The following IAH1 variants were observed in gnomAD, a reference collection of about 807,000 sequenced individuals.
The protein encoded by IAH1 is isoamyl acetate-hydrolyzing esterase 1 homolog.
Under a neutral mutation model 26.7 loss-of-function variants are expected in IAH1, and 24 were observed. That is an observed-to-expected ratio of 0.90 (90% confidence interval 0.65 to 1.26). The LOEUF (loss-of-function observed/expected upper bound fraction) is 1.26. IAH1 is among the 50% of genes most tolerant of loss of function. IAH1 has a pLI of 0.00. For synonymous variants in IAH1, 140 were observed against 118.5 expected, an observed-to-expected ratio of 1.18 and a Z score of -1.18; for missense variants, 300 against 299.9, an observed-to-expected ratio of 1.00 and a Z score of 0.00.
intron 2 of IAH1, among the ~76,000 whole-genome samples, chr2:9,476,554 G>C (rs1430715472): frequency 6.6e-6 from 1 of 152,236 alleles, no homozygotes; most frequent in African/African-American, 2.4e-5. Flanking sequence ...TTATTCACTT[G>C]GGTGCAAGTG....
chr2:9,475,636 G>A (rs1682443772), intron 1 of IAH1: 1 of 308,716 alleles, frequency 3.2e-6, no homozygotes, highest in Admixed American at 4.7e-5. Context: ...GAGTAGCTGG[G>A]ATTATAGACG....
Position 9,481,353 on chromosome 2 carries a change from C to T in IAH1, c.351C>T (p.Tyr117=), listed in dbSNP as rs370681332. 3 of 1,614,078 alleles carry T rather than the reference C, an allele frequency of 1.9e-6. No individual in the cohort carries two copies. The highest frequency in any genetic ancestry group is 1.6e-4 in the Middle Eastern group (1 of 6,084). The change falls in exon 4 of 6, where the codon TAC becomes TAT. Residue 117 remains tyrosine (Y), a synonymous_variant. Transcript: ENST00000497473. The part of the protein sequence containing the change: ...YAANLKSMVQ[Y]LKSVDIPENR... Reference sequence around the variant, plus strand: ...CGAACCTAAAGAGCATGGTGCAGTACCTGAAGTCCGTGGACATCCCTGAGA... The same window carrying T: ...CGAACCTAAAGAGCATGGTGCAGTATCTGAAGTCCGTGGACATCCCTGAGA...
At chr2:9,487,813 TGTGTGTGTGTGTGTGTGTGTGCGCGC>T (rs1335767610) in intron 5 of IAH1, among the ~76,000 whole-genome samples, 44 of 103,310 alleles carry the variant, frequency 4.3e-4, no homozygotes, top group Non-Finnish European at 7.1e-4. Context: ...TGTGTGTGTG[TGTGTGTGTGTGTGTGTGTGTGCGCGC>T]GCGCGCGCGC....
At chr2:9,493,498 G>A (rs1662324264), downstream of IAH1, among the ~76,000 whole-genome samples, 1 of 152,070 alleles carries the variant, frequency 6.6e-6, no homozygotes. Flanking sequence ...GATATTTTTG[G>A]GTAAAGAAGG....
the IAH1 span, among the ~76,000 whole-genome samples, chr2:9,510,459 T>A: frequency 6.7e-6 from 1 of 149,812 alleles, no homozygotes; most frequent in Non-Finnish European, 1.5e-5. Flanking sequence ...AGGTCAGGAG[T>A]TCGAGACCAG....
At chr2:9,478,759 C>G (rs1044912685) in intron 3 of IAH1, among the ~76,000 whole-genome samples, 42 of 152,082 alleles carry the variant, frequency 2.8e-4, no homozygotes, top group African/African-American at 9.9e-4. Context: ...CAGCAGCCAC[C>G]CTGACCTCAG....
the IAH1 span, chr2:9,502,243 C>G: frequency 6.2e-7 from 1 of 1,614,064 alleles, no homozygotes; most frequent in Non-Finnish European, 8.5e-7. Context: ...CAGTCTCAAA[C>G]TGACAGTTTT....
chr2:9,492,081 G>T (rs1007342134), downstream of IAH1, among the ~76,000 whole-genome samples: 1 of 152,184 alleles, frequency 6.6e-6, no homozygotes, highest in African/African-American at 2.4e-5. Context: ...CCCCTAGGCA[G>T]GAGAAGCCAG....
At chr2:9,502,086 C>A in the IAH1 span, 1 of 1,190,926 alleles carries the variant, frequency 8.4e-7, no homozygotes, top group South Asian at 1.4e-5. Context: ...TAAGGTGTCT[C>A]TCATCTGAAC....
At chr2:9,498,774 T>A (rs1406005577), downstream of IAH1, among the ~76,000 whole-genome samples, 2 of 152,240 alleles carry the variant, frequency 1.3e-5, no homozygotes, top group Non-Finnish European at 2.9e-5. Context: ...TGTGGATCAT[T>A]ATTGTATTTT....
At chr2:9,494,849 G>A (rs371963579) in exon 6 of IAH1, 12 of 1,534,374 alleles carry the variant, frequency 7.8e-6, no homozygotes, top group African/African-American at 5.6e-5. Context: ...CCCTGACCAT[G>A]CTCCCAAAGA....
chr2:9,506,155 C>T, the IAH1 span, among the ~76,000 whole-genome samples: 2 of 152,024 alleles, frequency 1.3e-5, no homozygotes, highest in East Asian at 1.9e-4. Flanking sequence ...TCGGGGTCTC[C>T]AAAGTGCTCT....
chr2:9,505,036 G>A, the IAH1 span: 39 of 1,021,032 alleles, frequency 3.8e-5, no homozygotes, highest in African/African-American at 4.3e-4. Flanking sequence ...AAGGGCAAAA[G>A]AGGTAGATGT....
At chr2:9,483,941 C>T (rs905570112) in intron 4 of IAH1, among the ~76,000 whole-genome samples, 6 of 152,198 alleles carry the variant, frequency 3.9e-5, no homozygotes, top group East Asian at 1.9e-4. Flanking sequence ...GGCATCAAAA[C>T]GAAGGTCTCT....
In IAH1 at chr2:9,478,233, T is replaced by G. The variant is rs544978737; in HGVS notation, c.146T>G (p.Val49Gly). 14 of 1,606,658 alleles carry G rather than the reference T, an allele frequency of 8.7e-6. No homozygotes were observed. The South Asian group carries it at 1.6e-4, about 18-fold the overall frequency. ...LADRLVRKCD[V>G]LNRGFSGYNT... ...ATTTTTCGTTTCAGAAAATGTGATG[T>G]TCTGAATCGTGGATTTTCAGGTTAC... Residue 49 changes from valine to glycine, a missense_variant, in exon 3 of 6, where the codon GTT becomes GGT. Val to Gly is a moderately radical substitution (Grantham distance 109). Transcript: ENST00000497473.
At chr2:9,504,007 T>C in the IAH1 span, among the ~76,000 whole-genome samples, 118 of 151,380 alleles carry the variant, frequency 7.8e-4, no homozygotes, top group African/African-American at 2.8e-3. Context: ...ACAAAAAAAA[T>C]TAGCCAGGTG....
At chr2:9,511,971 A>AAAAT in the IAH1 span, among the ~76,000 whole-genome samples, 1 of 150,072 alleles carries the variant, frequency 6.7e-6, no homozygotes, top group Admixed American at 6.7e-5. Context: ...AGTCTGTCTT[A>AAAAT]AAATAAATAA....
intron 1 of IAH1, chr2:9,475,051 G>A (rs562205815): frequency 8.5e-7 from 1 of 1,170,570 alleles, no homozygotes; most frequent in Non-Finnish European, 1.1e-6. Context: ...GGCCAGCTCC[G>A]GGCAGAGGCG....
intron 6 of IAH1, among the ~76,000 whole-genome samples, chr2:9,495,080 C>T (rs1021382500): frequency 2.0e-5 from 3 of 152,232 alleles, no homozygotes; most frequent in Non-Finnish European, 4.4e-5. Context: ...TAAATGCTTC[C>T]CTTTGTCCCA....
Sources: gnomAD v4.1 joint callset for allele counts (sites outside exome capture counted in the v4.1 genomes callset) on GRCh38, gnomAD v4.1.1 for gene constraint, MANE v1.5 for transcripts, NCBI Gene and HGNC (gene_info 2026-07-23, HGNC 2026-07-21) for gene names.